The following NAV1 variants were observed in gnomAD, a reference collection of about 807,000 sequenced individuals.
NAV1 encodes the protein neuron navigator 1.
In NAV1, 18 loss-of-function variants were observed where a neutral mutation model predicts 175.2. That is an observed-to-expected ratio of 0.10 (90% CI 0.07 to 0.15). The LOEUF is 0.15. NAV1 is among the 10% of genes least tolerant of loss of function. The pLI is 1.00. For missense variants in NAV1, 1,731 were observed against 2,436.6 expected (o/e 0.71, Z 6.10); for synonymous variants, 897 against 978.7 (o/e 0.92, Z 1.56).
intron 2 of NAV1, among the ~76,000 whole-genome samples, chr1:201,607,872 G>T (rs1053418116): frequency 1.7e-4 from 18 of 102,958 alleles, no homozygotes; most frequent in African/African-American, 6.1e-4. Flanking sequence ...TAACTTTATT[G>T]TGTGTGTGTG....
intron 2 of NAV1, among the ~76,000 whole-genome samples, chr1:201,612,281 C>T (rs574390545): frequency 6.6e-6 from 1 of 152,036 alleles, no homozygotes; most frequent in East Asian, 1.9e-4. Context: ...AGAACCTCGT[C>T]TCTACAAAAA....
chr1:201,754,252 C>G (rs1674313124), intron 3 of NAV1, among the ~76,000 whole-genome samples: 1 of 152,036 alleles, frequency 6.6e-6, no homozygotes, highest in Non-Finnish European at 1.5e-5. Flanking sequence ...ACAGGACTCC[C>G]AAGGGAATAG....
chr1:201,624,848 A>T lies in NAV1; in HGVS notation c.-101+1242A>T, dbSNP rs371661610. Reference sequence around the variant, plus strand: ...CTCACTTATATTTTGGGCATAGAAAAGCTTGTACATCATCCCTTACACACC... The same window carrying T: ...CTCACTTATATTTTGGGCATAGAAATGCTTGTACATCATCCCTTACACACC... On this transcript the variant is annotated intron_variant, in intron 1 of 29. Transcript: ENST00000367302. Among the ~76,000 whole-genome samples the T allele has an allele frequency of 5.9e-5, 9 of 152,278 alleles. No individual in the cohort carries two copies. The East Asian group carries it at 1.7e-3, about 29-fold the overall frequency.
At chr1:201,650,347 C>A (rs1262570952) in intron 1 of NAV1, among the ~76,000 whole-genome samples, 1 of 152,250 alleles carries the variant, frequency 6.6e-6, no homozygotes, top group African/African-American at 2.4e-5. Context: ...ATGTGCCGGA[C>A]GCCAGGCGGC....
At chr1:201,662,623 G>T (rs1016323588) in intron 1 of NAV1, among the ~76,000 whole-genome samples, 1 of 152,182 alleles carries the variant, frequency 6.6e-6, no homozygotes, top group African/African-American at 2.4e-5. Context: ...CCCACAGCAG[G>T]GGGGGTAATT....
intron 1 of NAV1, among the ~76,000 whole-genome samples, chr1:201,578,497 T>C (rs1666756166): frequency 6.6e-6 from 1 of 152,112 alleles, no homozygotes. Context: ...TATACCACAC[T>C]GTGGGAAGCA....
chr1:201,742,947 G>A (rs1025594705), intron 3 of NAV1, among the ~76,000 whole-genome samples: 16 of 152,178 alleles, frequency 1.1e-4, no homozygotes, highest in African/African-American at 2.9e-4. Flanking sequence ...GGGACAGTCC[G>A]TGTCTAACAT....
At chr1:201,682,115 CAAAA>C (rs34550001) in intron 1 of NAV1, among the ~76,000 whole-genome samples, 1 of 83,510 alleles carries the variant, frequency 1.2e-5, no homozygotes, top group Non-Finnish European at 2.4e-5. Context: ...GACTCCATCT[CAAAA>C]AAAAAAAAAA....
chr1:201,674,736 A>T (rs1670177103), intron 1 of NAV1, among the ~76,000 whole-genome samples: 1 of 151,984 alleles, frequency 6.6e-6, no homozygotes, highest in African/African-American at 2.4e-5. Flanking sequence ...ATTTTAAATA[A>T]CCAGATCTCA....
chr1:201,584,063 A>G (rs540877517), intron 1 of NAV1, among the ~76,000 whole-genome samples: 1 of 152,322 alleles, frequency 6.6e-6, no homozygotes, highest in East Asian at 1.9e-4. Context: ...GTACAATGCA[A>G]TTTGGGAAGG....
chr1:201,622,119 A>AG (rs1230060220), upstream of NAV1, among the ~76,000 whole-genome samples: 2 of 146,082 alleles, frequency 1.4e-5, no homozygotes, highest in Non-Finnish European at 3.0e-5. Flanking sequence ...CGAGGGTGGC[A>AG]GGAGGTGGCA....
intron 2 of NAV1, among the ~76,000 whole-genome samples, chr1:201,591,553 C>A (rs150375920): frequency 6.6e-6 from 1 of 152,184 alleles, no homozygotes; most frequent in Non-Finnish European, 1.5e-5. Flanking sequence ...TAGGTTGGCA[C>A]TGGGACAGAA....
intron 1 of NAV1, among the ~76,000 whole-genome samples, chr1:201,699,069 A>G (rs1014320767): frequency 6.6e-6 from 1 of 152,244 alleles, no homozygotes; most frequent in African/African-American, 2.4e-5. Context: ...TATTCAACAT[A>G]GTGTTGGAAG....
chr1:201,778,162 T>C (rs114702487), intron 3 of NAV1, among the ~76,000 whole-genome samples: 2,598 of 152,252 alleles, frequency 0.017, 81 homozygotes, highest in African/African-American at 0.058. Context: ...GGAAGGAATG[T>C]CTTTTGAGCA....
chr1:201,594,872 G>T (rs1340268459), intron 2 of NAV1, among the ~76,000 whole-genome samples: 1 of 152,260 alleles, frequency 6.6e-6, no homozygotes, highest in African/African-American at 2.4e-5. Flanking sequence ...GACCAGTTTA[G>T]AGGGTCAGGC....
At chr1:201,564,146 AAAGGAAGG>A (rs535582968) in intron 1 of NAV1, among the ~76,000 whole-genome samples, 1 of 144,132 alleles carries the variant, frequency 6.9e-6, no homozygotes, top group Non-Finnish European at 1.5e-5. Flanking sequence ...AGGGAGGAAG[AAAGGAAGG>A]AAGGAAGGCA....
chr1:201,627,968 A>G (rs1668382639), intron 1 of NAV1, among the ~76,000 whole-genome samples: 1 of 151,546 alleles, frequency 6.6e-6, no homozygotes, highest in African/African-American at 2.4e-5. Flanking sequence ...GCAAAACCCC[A>G]TCTCTACAAA....
intron 3 of NAV1, chr1:201,724,779 C>CG (rs1672532630): frequency 6.5e-6 from 1 of 152,758 alleles, no homozygotes; most frequent in African/African-American, 2.4e-5. Flanking sequence ...TTCCTGCCCT[C>CG]CGTGTGTGGC....
chr1:201,706,008 T>A (rs6427918), intron 1 of NAV1, among the ~76,000 whole-genome samples: 2 of 151,898 alleles, frequency 1.3e-5, no homozygotes, highest in Admixed American at 1.3e-4. Flanking sequence ...GACCAAGGAG[T>A]GCACTGAGGT....
Sources: gnomAD v4.1 joint callset for allele counts (sites outside exome capture counted in the v4.1 genomes callset) on GRCh38, gnomAD v4.1.1 for gene constraint, MANE v1.5 for transcripts, NCBI Gene and HGNC (gene_info 2026-07-23, HGNC 2026-07-21) for gene names.